CSMD3: variants seen among roughly 807,000 people sequenced by gnomAD.
The protein encoded by CSMD3 is CUB and sushi domain-containing protein 3.
In CSMD3, 177 loss-of-function variants were observed where a neutral mutation model predicts 435.2. The observed-to-expected ratio is 0.41, with a 90% CI of 0.36 to 0.46. CSMD3 has a LOEUF of 0.46. Among genes scored for constraint, CSMD3 ranks in the 20% least tolerant of loss-of-function variants. The probability of loss-of-function intolerance (pLI) is 0.34; values close to 1 mark genes in which losing one functional copy is unlikely to be tolerated. For synonymous variants in CSMD3, 1,656 were observed against 1,520.5 expected (o/e 1.09, Z -2.07); for missense variants, 4,265 against 4,504.6 (o/e 0.95, Z 1.52).
intron 38 of CSMD3, among the ~76,000 whole-genome samples, chr8:112,357,786 G>A (rs923258989): frequency 6.6e-6 from 1 of 152,198 alleles, no homozygotes; most frequent in Non-Finnish European, 1.5e-5. Context: ...AGAAATGCCT[G>A]GATTTCCAGG....
At chr8:112,699,044 A>T (rs2076323434) in intron 13 of CSMD3, among the ~76,000 whole-genome samples, 1 of 152,128 alleles carries the variant, frequency 6.6e-6, no homozygotes, top group Non-Finnish European at 1.5e-5. Context: ...TGTAAAATGG[A>T]CCAATCAGCA....
At chr8:113,429,435 C>G (rs16884666) in intron 1 of CSMD3, among the ~76,000 whole-genome samples, 1 of 151,746 alleles carries the variant, frequency 6.6e-6, no homozygotes, top group South Asian at 2.1e-4. Flanking sequence ...AAGTACTGCC[C>G]CTCAATGCTC....
At chr8:112,240,291 C>T (rs1563674740) in intron 66 of CSMD3, among the ~76,000 whole-genome samples, 1 of 151,914 alleles carries the variant, frequency 6.6e-6, no homozygotes, top group Non-Finnish European at 1.5e-5. Flanking sequence ...AATTTTTTTA[C>T]AGATTTGATG....
chr8:112,571,096 C>G (rs1829475175), intron 24 of CSMD3, among the ~76,000 whole-genome samples: 1 of 152,170 alleles, frequency 6.6e-6, no homozygotes, highest in Non-Finnish European at 1.5e-5. Context: ...CAACCTCTCC[C>G]TCCCAGGTTC....
At chr8:112,372,443 A>T (rs1043579812) in intron 38 of CSMD3, among the ~76,000 whole-genome samples, 1 of 152,198 alleles carries the variant, frequency 6.6e-6, no homozygotes, top group African/African-American at 2.4e-5. Flanking sequence ...AAGGAACATT[A>T]GGTTTATCTG....
In CSMD3 at chr8:112,241,775, T is replaced by G; in HGVS notation, c.10413A>C (p.Lys3471Asn). The G allele has an allele frequency of 6.2e-7, 1 of 1,612,046 alleles. No individual in the cohort carries two copies. Among genetic ancestry groups the G allele is most frequent in the Non-Finnish European group, 8.5e-7 (1 of 1,178,378 alleles). Reference protein sequence around the residue: ...GKVPICEAGSKILVKDPRPAL... With the variant: ...GKVPICEAGSNILVKDPRPAL... ...CAGGTCTAGGATCTTTCACCAATATTTTAGAACCAGCTATGAAAAGAAATA... is the reference window on the plus strand; with the variant it reads ...CAGGTCTAGGATCTTTCACCAATATGTTAGAACCAGCTATGAAAAGAAATA... Residue 3471 changes from lysine (K) to asparagine (N), a missense_variant, in exon 66 of 71, where the codon AAA becomes AAC. Lys to Asn is a moderately conservative substitution (Grantham distance 94). This residue lies in a region of CSMD3 where 3,255 missense variants were observed against 3,380.2 expected (regional missense o/e 0.96). Coordinates refer to ENST00000297405, the MANE Select transcript of CSMD3 (RefSeq NM_198123.2).
At chr8:113,389,119 G>C (rs1563773071) in intron 1 of CSMD3, among the ~76,000 whole-genome samples, 1 of 151,596 alleles carries the variant, frequency 6.6e-6, no homozygotes, top group Non-Finnish European at 1.5e-5. Context: ...GTGTGACTCA[G>C]TATGATGAAA....
intron 32 of CSMD3, among the ~76,000 whole-genome samples, chr8:112,427,711 A>G (rs1813219146): frequency 1.3e-5 from 2 of 152,156 alleles, no homozygotes. Context: ...GGTCAGCTTC[A>G]TGGAGCTTCA....
At chr8:112,999,784 G>T (rs949878916) in intron 6 of CSMD3, among the ~76,000 whole-genome samples, 1 of 151,596 alleles carries the variant, frequency 6.6e-6, no homozygotes, top group Non-Finnish European at 1.5e-5. Flanking sequence ...AAAAAATGAG[G>T]AGTCAAGGAT....
At chr8:112,452,763 G>T (rs946314171) in intron 32 of CSMD3, among the ~76,000 whole-genome samples, 2 of 151,998 alleles carry the variant, frequency 1.3e-5, no homozygotes, top group African/African-American at 4.8e-5. Context: ...CACTCAAACA[G>T]CTAACCTACA....
At chr8:113,269,468 T>A (rs1187760806) in intron 3 of CSMD3, among the ~76,000 whole-genome samples, 1 of 152,084 alleles carries the variant, frequency 6.6e-6, no homozygotes, top group Non-Finnish European at 1.5e-5. Context: ...ACATTACAGT[T>A]CATATGGAAC....
At chr8:113,208,091 CTTCT>C (rs1162744082) in intron 3 of CSMD3, among the ~76,000 whole-genome samples, 11 of 152,142 alleles carry the variant, frequency 7.2e-5, no homozygotes, top group African/African-American at 2.7e-4. Context: ...AGTTTTAAAA[CTTCT>C]TTTTCTTTGG....
intron 61 of CSMD3, among the ~76,000 whole-genome samples, chr8:112,259,936 T>TAA (rs1816220248): frequency 1.3e-5 from 2 of 152,142 alleles, no homozygotes; most frequent in Admixed American, 1.3e-4. Context: ...CATATTCAAA[T>TAA]AAAGGAGGGA....
At chr8:112,938,390 A>G (rs1326512375) in intron 9 of CSMD3, among the ~76,000 whole-genome samples, 1 of 152,204 alleles carries the variant, frequency 6.6e-6, no homozygotes, top group Non-Finnish European at 1.5e-5. Context: ...AAAATGTTAC[A>G]TTTAGAGATT....
chr8:113,000,976 C>T (rs975809152), intron 6 of CSMD3, among the ~76,000 whole-genome samples: 2 of 151,908 alleles, frequency 1.3e-5, no homozygotes, highest in African/African-American at 4.8e-5. Context: ...GAGATTTTTA[C>T]CCAAAGGATT....
At chr8:113,210,835 A>C (rs1423356814) in intron 3 of CSMD3, among the ~76,000 whole-genome samples, 1 of 151,804 alleles carries the variant, frequency 6.6e-6, no homozygotes, top group Non-Finnish European at 1.5e-5. Context: ...AGCCAAGAGC[A>C]CCGCTGCACT....
intron 10 of CSMD3, among the ~76,000 whole-genome samples, chr8:112,883,595 T>G (rs2081507734): frequency 6.6e-6 from 1 of 151,966 alleles, no homozygotes; most frequent in South Asian, 2.1e-4. Context: ...AAGTAAAAAT[T>G]GTACAGAGAG....
At chr8:112,788,991 C>A (rs1197518411) in intron 13 of CSMD3, among the ~76,000 whole-genome samples, 2 of 152,088 alleles carry the variant, frequency 1.3e-5, no homozygotes, top group Non-Finnish European at 2.9e-5. Flanking sequence ...GAAATGTTAT[C>A]AAAAAATTCC....
chr8:112,317,378 C>T (rs1822573634), intron 47 of CSMD3, among the ~76,000 whole-genome samples: 1 of 152,066 alleles, frequency 6.6e-6, no homozygotes, highest in African/African-American at 2.4e-5. Flanking sequence ...CAAGAGCTCA[C>T]AATATAGTTT....
Sources: gnomAD v4.1 joint callset for allele counts (sites outside exome capture counted in the v4.1 genomes callset) on GRCh38, gnomAD v4.1.1 for gene constraint, gnomAD v4.1.1 regional missense constraint, MANE v1.5 for transcripts, NCBI Gene and HGNC (gene_info 2026-07-23, HGNC 2026-07-21) for gene names.